Variants in NRP2 observed in about 807,000 individuals in gnomAD.
NRP2 encodes neuropilin 2, also known as neuropilin-2.
A neutral mutation model predicts 110.4 loss-of-function variants in NRP2; 52 were observed. The observed-to-expected ratio is 0.47, with a 90% CI of 0.38 to 0.59. The LOEUF (loss-of-function observed/expected upper bound fraction) is 0.59. Ranked by LOEUF, NRP2 falls within the 20% of genes least tolerant of loss-of-function variation. The pLI, the probability that NRP2 is intolerant of heterozygous loss-of-function variation, is 0.00. For synonymous variants in NRP2, 508 were observed against 468.9 expected (o/e 1.08, Z -1.08); for missense variants, 1,049 against 1,203.0 (o/e 0.87, Z 1.89).
At chr2:205,683,583 T>TGTGA (rs923842932) in intron 1 of NRP2, among the ~76,000 whole-genome samples, 1 of 150,554 alleles carries the variant, frequency 6.6e-6, no homozygotes, top group Non-Finnish European at 1.5e-5. Flanking sequence ...TGTGTGTGTG[T>TGTGA]GTGAGTGTGT....
chr2:205,736,587 C>T (rs2057347484), intron 7 of NRP2, among the ~76,000 whole-genome samples: 1 of 152,158 alleles, frequency 6.6e-6, no homozygotes, highest in Non-Finnish European at 1.5e-5. Flanking sequence ...TTACTTGTGA[C>T]CTGGCTTACA....
intron 1 of NRP2, among the ~76,000 whole-genome samples, chr2:205,685,358 A>C (rs956218762): frequency 6.6e-6 from 1 of 152,152 alleles, no homozygotes; most frequent in Non-Finnish European, 1.5e-5. Flanking sequence ...TTTCAGGCGG[A>C]GCAAAGCACT....
chr2:205,748,824 C>T (rs1233850750), intron 10 of NRP2, among the ~76,000 whole-genome samples: 1 of 152,214 alleles, frequency 6.6e-6, no homozygotes, highest in Non-Finnish European at 1.5e-5. Context: ...GGGCCTGACT[C>T]ATAGCTCCAT....
At chr2:205,712,875 G>T (rs1452479681) in intron 2 of NRP2, among the ~76,000 whole-genome samples, 2 of 152,170 alleles carry the variant, frequency 1.3e-5, no homozygotes, top group African/African-American at 4.8e-5. Context: ...AGAAGTTCAA[G>T]TAAGGTTTGT....
intron 2 of NRP2, among the ~76,000 whole-genome samples, chr2:205,699,370 G>C (rs1392331072): frequency 6.6e-6 from 1 of 152,218 alleles, no homozygotes; most frequent in East Asian, 1.9e-4. Context: ...GAGAGAGCCT[G>C]GGTCTAAGCT....
intron 2 of NRP2, among the ~76,000 whole-genome samples, chr2:205,700,454 C>T (rs2056528230): frequency 6.6e-6 from 1 of 152,190 alleles, no homozygotes; most frequent in Non-Finnish European, 1.5e-5. Context: ...GCTGTGGAGA[C>T]AGAGCAGTGG....
intron 2 of NRP2, among the ~76,000 whole-genome samples, chr2:205,705,297 A>G (rs1308827503): frequency 6.6e-6 from 1 of 152,130 alleles, no homozygotes; most frequent in East Asian, 1.9e-4. Flanking sequence ...TTGATTGCAG[A>G]GTAGATGGTT....
intron 15 of NRP2, 61 bp downstream of exon 15, chr2:205,766,864 G>A: frequency 1.3e-6 from 2 of 1,497,616 alleles, no homozygotes; most frequent in African/African-American, 1.4e-5. Flanking sequence ...TCCCCCATGT[G>A]ATGTGAATTT....
At chr2:205,685,347 C>T (rs1323805104) in intron 1 of NRP2, among the ~76,000 whole-genome samples, 1 of 152,226 alleles carries the variant, frequency 6.6e-6, no homozygotes, top group East Asian at 1.9e-4. Context: ...GCTGCTCAGG[C>T]TTTCAGGCGG....
intron 2 of NRP2, among the ~76,000 whole-genome samples, chr2:205,703,249 T>G (rs1460617246): frequency 1.3e-5 from 2 of 152,228 alleles, no homozygotes; most frequent in East Asian, 3.8e-4. Flanking sequence ...AGGCCAAGAA[T>G]GTCACTAACT....
intron 2 of NRP2, among the ~76,000 whole-genome samples, chr2:205,712,464 T>C (rs543704240): frequency 9.2e-5 from 14 of 152,296 alleles, no homozygotes; most frequent in African/African-American, 3.1e-4. Context: ...GTACCCCGGA[T>C]TCCTTTACCA....
chr2:205,750,225 T>A (rs1414208629), intron 11 of NRP2, among the ~76,000 whole-genome samples: 4 of 152,218 alleles, frequency 2.6e-5, no homozygotes. Context: ...TTAAGCTGTG[T>A]GTGTATGCTA....
intron 1 of NRP2, among the ~76,000 whole-genome samples, chr2:205,683,920 T>G (rs1432179990): frequency 6.6e-6 from 1 of 152,194 alleles, no homozygotes; most frequent in Non-Finnish European, 1.5e-5. Context: ...AGTTGGCTTG[T>G]GGCTGAGATA....
chr2:205,721,970 C>T (rs1303092067), intron 3 of NRP2, among the ~76,000 whole-genome samples: 1 of 152,206 alleles, frequency 6.6e-6, no homozygotes, highest in African/African-American at 2.4e-5. Flanking sequence ...GGGGGCACTT[C>T]GTTGGCTGTG....
chr2:205,789,716 C>A (rs34089465), intron 15 of NRP2, among the ~76,000 whole-genome samples: 2 of 152,234 alleles, frequency 1.3e-5, no homozygotes, highest in South Asian at 2.1e-4. Context: ...ACCTGCCACA[C>A]CTTGCCTATT....
At chr2:205,696,153 T>C (rs2056421119) in intron 1 of NRP2, among the ~76,000 whole-genome samples, 1 of 152,194 alleles carries the variant, frequency 6.6e-6, no homozygotes, top group Non-Finnish European at 1.5e-5. Flanking sequence ...CAACCACCCG[T>C]GTGCAGCGTG....
At chr2:205,705,571 C>A (rs17386988) in intron 2 of NRP2, among the ~76,000 whole-genome samples, 1 of 152,018 alleles carries the variant, frequency 6.6e-6, no homozygotes, top group Admixed American at 6.6e-5. Context: ...TTGTGGGTCA[C>A]GTGGAGGAAC....
chr2:205,728,288 G>T (rs1044770970), intron 7 of NRP2, among the ~76,000 whole-genome samples: 1 of 152,194 alleles, frequency 6.6e-6, no homozygotes, highest in Non-Finnish European at 1.5e-5. Context: ...GAGAGAGCTT[G>T]CAGAGTGTTC....
chr2:205,771,211 C>T (rs2058018020), intron 15 of NRP2, among the ~76,000 whole-genome samples: 1 of 150,648 alleles, frequency 6.6e-6, no homozygotes, highest in Non-Finnish European at 1.5e-5. Flanking sequence ...TGAAAACATC[C>T]CGGCGCCTCC....
Sources: allele counts gnomAD v4.1 joint callset (sites outside exome capture counted in the v4.1 genomes callset), GRCh38; gene constraint gnomAD v4.1.1; transcripts MANE v1.5; gene names NCBI Gene and HGNC (gene_info 2026-07-23, HGNC 2026-07-21).